The following PRDM16 variants were observed in gnomAD, a reference collection of about 807,000 sequenced individuals.
PRDM16 encodes the protein PR/SET domain 16, also known as histone-lysine N-methyltransferase PRDM16.
Under a neutral mutation model 110.6 loss-of-function variants are expected in PRDM16, and 23 were observed. The ratio of observed to expected loss-of-function variants is 0.21; its 90% CI spans 0.15 to 0.29. PRDM16 has a LOEUF of 0.29. Ranked by LOEUF, PRDM16 falls within the 10% of genes least tolerant of loss-of-function variation. PRDM16 has a pLI of 1.00. For synonymous variants in PRDM16, 799 were observed against 781.8 expected (o/e 1.02, Z -0.37); for missense variants, 1,615 against 1,794.3 (o/e 0.90, Z 1.81).
At chr1:3,239,006 C>A (rs750464819) in intron 2 of PRDM16, among the ~76,000 whole-genome samples, 4 of 152,196 alleles carry the variant, frequency 2.6e-5, no homozygotes, top group Non-Finnish European at 5.9e-5. Flanking sequence ...CTGGGACAGG[C>A]CCCCCACATG....
chr1:3,259,006 G>A (rs2100244296), intron 3 of PRDM16, among the ~76,000 whole-genome samples: 1 of 152,370 alleles, frequency 6.6e-6, no homozygotes, highest in East Asian at 1.9e-4. Context: ...TTGTATTTCT[G>A]TTTTGGACGA....
Position 3,245,153 on chromosome 1 carries a change from T to A in PRDM16, c.438+1016T>A, listed in dbSNP as rs1481237962. 6.6e-6 allele frequency among the ~76,000 whole-genome samples: 1 copy of A among 152,216 alleles called. No homozygotes were observed. Among genetic ancestry groups the A allele is most frequent in the African/African-American group, 2.4e-5 (1 of 41,458 alleles). ...TGCCTACCGAGTGCTGTTACAATTCTGTCAGAATTACAACTGGATTCCGTG... is the reference window on the plus strand; with the variant it reads ...TGCCTACCGAGTGCTGTTACAATTCAGTCAGAATTACAACTGGATTCCGTG... On this transcript the variant is annotated intron_variant, in intron 3 of 16. Coordinates refer to ENST00000270722, the MANE Select transcript of PRDM16 (RefSeq NM_022114.4). The surrounding 1 kb of genome is among the most constrained non-coding windows in gnomAD (Gnocchi z 4.7).
At chr1:3,200,884 C>T (rs1425338330) in intron 2 of PRDM16, among the ~76,000 whole-genome samples, 1 of 150,868 alleles carries the variant, frequency 6.6e-6, no homozygotes, top group East Asian at 2.0e-4. Context: ...GCACAGAAGA[C>T]GAGGACAAGA....
At chr1:3,202,279 T>C (rs1638647309) in intron 2 of PRDM16, among the ~76,000 whole-genome samples, 1 of 151,606 alleles carries the variant, frequency 6.6e-6, no homozygotes, top group Non-Finnish European at 1.5e-5. Flanking sequence ...AGATGTCAGC[T>C]GCAGACTGGA....
At chr1:3,277,525 C>CCCCGA (rs1640612791) in intron 3 of PRDM16, among the ~76,000 whole-genome samples, 1 of 152,234 alleles carries the variant, frequency 6.6e-6, no homozygotes. Flanking sequence ...CCCAGGCTGG[C>CCCCGA]CCCGACCCTC....
chr1:3,270,128 G>A (rs1338819130), intron 3 of PRDM16, among the ~76,000 whole-genome samples: 3 of 147,260 alleles, frequency 2.0e-5, no homozygotes, highest in East Asian at 2.1e-4. Context: ...GAGGACAGTC[G>A]GGGAGGAGTA....
intron 4 of PRDM16, among the ~76,000 whole-genome samples, chr1:3,388,346 C>T (rs1643237370): frequency 6.6e-6 from 1 of 152,142 alleles, no homozygotes; most frequent in African/African-American, 2.4e-5. Context: ...CACACCCCCA[C>T]CTCTAATACA....
At chr1:3,296,789 G>A (rs537285001) in intron 3 of PRDM16, among the ~76,000 whole-genome samples, 2 of 152,364 alleles carry the variant, frequency 1.3e-5, no homozygotes, top group African/African-American at 4.8e-5. Flanking sequence ...CCATTGTTAA[G>A]TGCAGATGTT....
intron 2 of PRDM16, among the ~76,000 whole-genome samples, chr1:3,212,694 T>TCCCGCTCATCCTCC (rs1167908082): frequency 6.6e-6 from 1 of 151,280 alleles, no homozygotes; most frequent in African/African-American, 2.4e-5. Context: ...GCTGCGGTCC[T>TCCCGCTCATCCTCC]CTCTGCCACT....
intron 3 of PRDM16, among the ~76,000 whole-genome samples, chr1:3,325,902 T>TCTTGGCCCTC (rs761059126): frequency 6.9e-6 from 1 of 145,090 alleles, no homozygotes; most frequent in Non-Finnish European, 1.5e-5. Context: ...TCCTTGGCCC[T>TCTTGGCCCTC]CTTGGCCCTC....
At chr1:3,249,100 T>C (rs754334888) in intron 3 of PRDM16, among the ~76,000 whole-genome samples, 21 of 152,210 alleles carry the variant, frequency 1.4e-4, no homozygotes, top group Non-Finnish European at 2.8e-4. Flanking sequence ...TGCCAGGCTT[T>C]TAGCCCAGCA....
At chr1:3,338,804 A>G (rs1455227328) in intron 3 of PRDM16, among the ~76,000 whole-genome samples, 1 of 152,196 alleles carries the variant, frequency 6.6e-6, no homozygotes, top group East Asian at 1.9e-4. Context: ...GGCAGGACAC[A>G]CTGTGGACAC....
chr1:3,300,458 C>T (rs1224413117), intron 3 of PRDM16, among the ~76,000 whole-genome samples: 3 of 146,406 alleles, frequency 2.0e-5, no homozygotes, highest in Non-Finnish European at 4.5e-5. Flanking sequence ...ATGCTGTGGC[C>T]GTGATGTTTC....
At chr1:3,198,125 T>C (rs1419835284) in intron 2 of PRDM16, among the ~76,000 whole-genome samples, 1 of 152,212 alleles carries the variant, frequency 6.6e-6, no homozygotes, top group Admixed American at 6.5e-5. Flanking sequence ...TGCTGCCTCC[T>C]GCACGCGGGT....
chr1:3,181,058 G>C (rs117440772), intron 1 of PRDM16, among the ~76,000 whole-genome samples: 28 of 59,702 alleles, frequency 4.7e-4, no homozygotes, highest in African/African-American at 1.2e-3. Flanking sequence ...AGTCTTACAC[G>C]CGGTCTTACA....
At chr1:3,184,881 C>T (rs1436693463) in intron 1 of PRDM16, among the ~76,000 whole-genome samples, 1 of 151,938 alleles carries the variant, frequency 6.6e-6, no homozygotes, top group African/African-American at 2.4e-5. Flanking sequence ...CAGGGCCGCC[C>T]TCCTCCTTGG....
chr1:3,225,530 CTGTG>C (rs57169358), intron 2 of PRDM16, among the ~76,000 whole-genome samples: 58,257 of 138,476 alleles, frequency 0.42, 13,516 homozygotes, highest in Non-Finnish European at 0.53. Flanking sequence ...TGCAGCTTGC[CTGTG>C]TGTGTGTGTG....
intron 3 of PRDM16, among the ~76,000 whole-genome samples, chr1:3,256,881 G>T (rs889049312): frequency 2.0e-5 from 3 of 152,042 alleles, no homozygotes; most frequent in Admixed American, 6.6e-5. Context: ...AATAAATAAA[G>T]TCTTCATTAA....
intron 2 of PRDM16, chr1:3,186,695 C>T (rs1644272694): frequency 4.3e-6 from 2 of 470,030 alleles, no homozygotes; most frequent in Non-Finnish European, 7.4e-6. Flanking sequence ...GTAGGCCACG[C>T]CCACTCTCTC....
Sources: allele counts gnomAD v4.1 joint callset (sites outside exome capture counted in the v4.1 genomes callset), GRCh38; gene constraint gnomAD v4.1.1; non-coding constraint Gnocchi (gnomAD v3.1); transcripts MANE v1.5; gene names NCBI Gene and HGNC (gene_info 2026-07-23, HGNC 2026-07-21).